The following ATP7B variants were observed in gnomAD, a reference collection of about 807,000 sequenced individuals.
ATP7B encodes ATPase copper transporting beta.
ATP7B carries 113 observed loss-of-function variants against 118.9 expected under a neutral mutation model. That is an observed-to-expected ratio of 0.95 (90% CI 0.82 to 1.11). The LOEUF is 1.11. ATP7B is among the 50% of genes most tolerant of loss of function. The pLI is 0.00. For synonymous variants in ATP7B, 777 were observed against 727.4 expected (o/e 1.07, Z -1.10); for missense variants, 1,867 against 1,871.4 (o/e 1.00, Z 0.04).
At chr13:51,985,038 T>C (rs1017188756) in intron 1 of ATP7B, among the ~76,000 whole-genome samples, 1 of 152,206 alleles carries the variant, frequency 6.6e-6, no homozygotes, top group Non-Finnish European at 1.5e-5. Flanking sequence ...GCTAGCATCA[T>C]AATGACAGGA....
intron 1 of ATP7B, among the ~76,000 whole-genome samples, chr13:51,998,803 T>TC: frequency 6.6e-6 from 1 of 152,316 alleles, no homozygotes; most frequent in Middle Eastern, 3.4e-3. Flanking sequence ...TCCATGAACC[T>TC]CCAGGACAAA....
intron 16 of ATP7B, among the ~76,000 whole-genome samples, chr13:51,939,594 C>T (rs1593654440): frequency 6.6e-6 from 1 of 152,334 alleles, no homozygotes; most frequent in East Asian, 1.9e-4. Flanking sequence ...AATGTCCAAA[C>T]TAGAAAATCA....
rs1958505013 is a variant in ATP7B at position 51,958,496 on chromosome 13, G to A, written c.2170C>T (p.His724Tyr). 1 of 1,614,234 alleles carries A rather than the reference G, an allele frequency of 6.2e-7. No homozygotes were observed. The highest frequency in any genetic ancestry group is 1.3e-5 in the African/African-American group (1 of 75,056). The change falls in exon 8 of 21, where the codon CAC (histidine) becomes TAC (tyrosine). Residue 724 changes from histidine to tyrosine, a missense_variant. Transcript: ENST00000242839. ...AGCACGTCCATGTTGGCTGACCTGT[G>A]TCTCAGAGATTTGTAGGCCTGAACG... ...FYVQAYKSLR[H>Y]RSANMDVLIV... is the part of the protein sequence containing the mutation.
intron 1 of ATP7B, among the ~76,000 whole-genome samples, chr13:51,981,575 C>T (rs1952422119): frequency 6.6e-6 from 1 of 152,132 alleles, no homozygotes; most frequent in Non-Finnish European, 1.5e-5. Context: ...GGGGAGGGCA[C>T]AGGTCAAAAA....
intron 1 of ATP7B, among the ~76,000 whole-genome samples, chr13:51,984,009 C>T (rs1380599769): frequency 1.3e-5 from 2 of 152,032 alleles, no homozygotes; most frequent in African/African-American, 4.8e-5. Flanking sequence ...TCTTCTCCTT[C>T]AAAGGATCAC....
intron 13 of ATP7B, among the ~76,000 whole-genome samples, chr13:51,945,486 C>G (rs1170476815): frequency 1.3e-5 from 2 of 152,200 alleles, no homozygotes; most frequent in African/African-American, 4.8e-5. Context: ...TTGTCCAGCT[C>G]TCACTCAACA....
At chr13:52,009,698 C>T (rs149285502) in intron 1 of ATP7B, among the ~76,000 whole-genome samples, 5 of 152,254 alleles carry the variant, frequency 3.3e-5, no homozygotes, top group East Asian at 1.9e-4. Context: ...TTAACTCCTA[C>T]GCTATACATT....
At chr13:51,957,148 T>G (rs1958399405) in intron 9 of ATP7B, among the ~76,000 whole-genome samples, 1 of 152,224 alleles carries the variant, frequency 6.6e-6, no homozygotes. Flanking sequence ...ATTTTTATTC[T>G]TTAGCAAGTT....
At chr13:51,992,036 T>C (rs1952942443) in intron 1 of ATP7B, among the ~76,000 whole-genome samples, 1 of 152,044 alleles carries the variant, frequency 6.6e-6, no homozygotes, top group African/African-American at 2.4e-5. Context: ...CCTCTCTGCC[T>C]GTCTGAAACA....
At chr13:51,972,478 T>C (rs1951890062) in intron 2 of ATP7B, among the ~76,000 whole-genome samples, 1 of 152,092 alleles carries the variant, frequency 6.6e-6, no homozygotes, top group African/African-American at 2.4e-5. Context: ...TCCTCCAGCA[T>C]CTCAGCTAAA....
intron 1 of ATP7B, among the ~76,000 whole-genome samples, chr13:51,993,601 T>TA (rs1401855263): frequency 9.9e-5 from 15 of 151,910 alleles, no homozygotes; most frequent in African/African-American, 3.4e-4. Flanking sequence ...AAAGGAAAAA[T>TA]AGAGTTGCAA....
chr13:51,946,930 C>T (rs1480011939), intron 12 of ATP7B, among the ~76,000 whole-genome samples: 1 of 152,114 alleles, frequency 6.6e-6, no homozygotes, highest in Admixed American at 6.6e-5. Context: ...TAACTATTAT[C>T]GTTATTTTTC....
chr13:51,982,480 C>T (rs1434911831), intron 1 of ATP7B, among the ~76,000 whole-genome samples: 1 of 152,112 alleles, frequency 6.6e-6, no homozygotes, highest in East Asian at 1.9e-4. Flanking sequence ...GAGGAAAAAA[C>T]TCTCCTGATG....
chr13:51,986,166 A>G lies in ATP7B; in HGVS notation c.52-10998T>C, dbSNP rs553901219. On this transcript the variant is annotated intron_variant, in intron 1 of 20. Transcript: ENST00000242839. ...AGATCAACAAAATAGATAGACCGCTAGCCAGACTAATAAAGAAGAAAAGAG... is the reference window on the plus strand; with the variant it reads ...AGATCAACAAAATAGATAGACCGCTGGCCAGACTAATAAAGAAGAAAAGAG... Among the ~76,000 whole-genome samples, 6 of 152,364 alleles carry G rather than the reference A, an allele frequency of 3.9e-5. No individual in the cohort carries two copies. In the East Asian group the frequency reaches 1.2e-3, roughly 29 times the overall value.
intron 1 of ATP7B, among the ~76,000 whole-genome samples, chr13:51,981,933 G>T (rs1402172980): frequency 1.3e-5 from 2 of 152,016 alleles, no homozygotes; most frequent in East Asian, 3.9e-4. Context: ...TGCAGCCCAG[G>T]ATGGCTTTGA....
At chr13:51,988,077 G>A (rs1952744317) in intron 1 of ATP7B, among the ~76,000 whole-genome samples, 2 of 152,056 alleles carry the variant, frequency 1.3e-5, no homozygotes, top group Admixed American at 6.5e-5. Flanking sequence ...TTAAACTAAA[G>A]AGCTTCTGCA....
In ATP7B at chr13:51,946,451, C is replaced by T; in HGVS notation, c.2893G>A (p.Glu965Lys). The change falls in exon 13 of 21, where the codon GAG (glutamate) becomes AAG (lysine). Residue 965 changes from glutamate to lysine, a missense_variant. Transcript: ENST00000242839. The part of the protein sequence containing the change: ...PNPNKHISQT[E>K]VIIRFAFQTS... ...TGGAAAGCAAACCGGATGATCACCT[C>T]TGTCTGGGAGATGTGCTTGTTGGGG... 1 of 1,614,236 alleles carries T rather than the reference C, an allele frequency of 6.2e-7. No individual in the cohort carries two copies. The highest frequency in any genetic ancestry group is 2.2e-5 in the East Asian group (1 of 44,886).
Position 52,011,355 on chromosome 13 carries a change from G to A in ATP7B, c.-18C>T, listed in dbSNP as rs577423210. The A allele has an allele frequency of 3.3e-5, 53 of 1,614,194 alleles. No individual in the cohort carries two copies. In the Admixed American group the frequency reaches 8.7e-4, roughly 26 times the overall value. ...TCAGGCATCGTCCCGCACGGACACC[G>A]AATTCTTCTCTGATCTGGCTCAGAG... On this transcript the variant is annotated 5_prime_UTR_variant, in exon 1 of 21. Coordinates refer to ENST00000242839, the MANE Select transcript of ATP7B (RefSeq NM_000053.4).
At chr13:51,979,077 G>C (rs1952276405) in intron 1 of ATP7B, 1 of 152,264 alleles carries the variant, frequency 6.6e-6, no homozygotes. Flanking sequence ...TACTGAGAGG[G>C]AGTGTCACAA....
Sources: allele counts gnomAD v4.1 joint callset (sites outside exome capture counted in the v4.1 genomes callset), GRCh38; gene constraint gnomAD v4.1.1; transcripts MANE v1.5; gene names NCBI Gene and HGNC (gene_info 2026-07-23, HGNC 2026-07-21).